Variants in ABTB3 observed in about 807,000 individuals in gnomAD.
ABTB3 encodes the protein ankyrin repeat- and BTB/POZ domain-containing protein 3.
At chr12:107,491,268 A>T in the ABTB3 span, among the ~76,000 whole-genome samples, 1 of 152,184 alleles carries the variant, frequency 6.6e-6, no homozygotes, top group South Asian at 2.1e-4. Context: ...CCACATGCCC[A>T]GCCTTCACAC....
At chr12:107,371,084 TC>T in the ABTB3 span, among the ~76,000 whole-genome samples, 1 of 151,850 alleles carries the variant, frequency 6.6e-6, no homozygotes, top group Admixed American at 6.6e-5. Context: ...ATGCTTCCCT[TC>T]CCCCCAACCT....
At chr12:107,557,581 C>T in the ABTB3 span, among the ~76,000 whole-genome samples, 1 of 152,114 alleles carries the variant, frequency 6.6e-6, no homozygotes, top group Non-Finnish European at 1.5e-5. Flanking sequence ...ATCAGCCAGT[C>T]GTTCATTTAG....
the ABTB3 span, among the ~76,000 whole-genome samples, chr12:107,323,059 C>G: frequency 6.6e-6 from 1 of 152,190 alleles, no homozygotes; most frequent in Admixed American, 6.5e-5. Context: ...GTTGAGCAAG[C>G]TATTGTACTG....
the ABTB3 span, among the ~76,000 whole-genome samples, chr12:107,550,722 A>G: frequency 6.6e-6 from 1 of 151,824 alleles, no homozygotes; most frequent in Admixed American, 6.6e-5. Flanking sequence ...CTGGGACTAC[A>G]GGTGCATGCT....
chr12:107,578,915 ATATT>A, the ABTB3 span, among the ~76,000 whole-genome samples: 14 of 152,214 alleles, frequency 9.2e-5, no homozygotes, highest in South Asian at 4.1e-4. Context: ...TCATGAGCAA[ATATT>A]TATTAAGTGC....
At chr12:107,370,967 C>T in the ABTB3 span, among the ~76,000 whole-genome samples, 7 of 151,932 alleles carry the variant, frequency 4.6e-5, no homozygotes, top group Non-Finnish European at 7.4e-5. Flanking sequence ...TACGGCAGCC[C>T]TCAGAGGGCG....
the ABTB3 span, chr12:107,649,087 A>G: frequency 1.5e-5 from 13 of 840,434 alleles, no homozygotes; most frequent in Admixed American, 1.5e-4. Context: ...GAAATGGGCA[A>G]CCATTTGGAA....
the ABTB3 span, among the ~76,000 whole-genome samples, chr12:107,518,408 A>G: frequency 1.3e-5 from 2 of 152,020 alleles, no homozygotes; most frequent in African/African-American, 4.8e-5. Context: ...TGGCACATAT[A>G]TACACTATGC....
At chr12:107,508,438 C>CTTTT in the ABTB3 span, among the ~76,000 whole-genome samples, 661 of 69,128 alleles carry the variant, frequency 9.6e-3, 152 homozygotes, top group Non-Finnish European at 0.013. Flanking sequence ...AAGATCATTT[C>CTTTT]TTTTTTTTTT....
At chr12:107,483,726 ACCCAGGCTGGAG>A in the ABTB3 span, among the ~76,000 whole-genome samples, 1 of 152,100 alleles carries the variant, frequency 6.6e-6, no homozygotes, top group African/African-American at 2.4e-5. Flanking sequence ...TCACTCTGTC[ACCCAGGCTGGAG>A]CCCAGTAGCA....
the ABTB3 span, among the ~76,000 whole-genome samples, chr12:107,414,799 C>G: frequency 6.6e-6 from 1 of 151,010 alleles, no homozygotes; most frequent in African/African-American, 2.4e-5. Flanking sequence ...CTCACTGCAA[C>G]CTTCAGCTCC....
the ABTB3 span, among the ~76,000 whole-genome samples, chr12:107,518,992 T>C: frequency 2.9e-4 from 44 of 152,224 alleles, no homozygotes; most frequent in African/African-American, 9.9e-4. Context: ...TTATGTGTGT[T>C]CTCTCCCTCA....
the ABTB3 span, among the ~76,000 whole-genome samples, chr12:107,385,692 A>G: frequency 6.6e-6 from 1 of 152,116 alleles, no homozygotes; most frequent in East Asian, 1.9e-4. Context: ...GGAGCTGCCA[A>G]TCACAGCAGC....
chr12:107,617,294 C>T, the ABTB3 span: 1 of 1,614,164 alleles, frequency 6.2e-7, no homozygotes. Context: ...CTTCTCTGGG[C>T]TTGCAGGAAA....
At chr12:107,525,378 G>GA in the ABTB3 span, among the ~76,000 whole-genome samples, 35 of 126,462 alleles carry the variant, frequency 2.8e-4, no homozygotes, top group South Asian at 5.7e-4. Flanking sequence ...GAAAGAAAGA[G>GA]AAAAAATATT....
the ABTB3 span, among the ~76,000 whole-genome samples, chr12:107,446,524 G>A: frequency 6.6e-6 from 1 of 152,140 alleles, no homozygotes; most frequent in African/African-American, 2.4e-5. Context: ...TTAAGGACCA[G>A]GGTCACTTTC....
chr12:107,621,944 T>G, the ABTB3 span, among the ~76,000 whole-genome samples: 3 of 152,156 alleles, frequency 2.0e-5, no homozygotes, highest in Non-Finnish European at 4.4e-5. Context: ...TAGTCAGTCA[T>G]TTGAAAATCA....
the ABTB3 span, among the ~76,000 whole-genome samples, chr12:107,323,392 A>AG: frequency 2.6e-5 from 4 of 152,246 alleles, no homozygotes; most frequent in Admixed American, 2.0e-4. Flanking sequence ...GACTGGATTC[A>AG]GAAAAAAAAG....
chr12:107,457,089 T>A, the ABTB3 span, among the ~76,000 whole-genome samples: 1 of 152,222 alleles, frequency 6.6e-6, no homozygotes, highest in Non-Finnish European at 1.5e-5. Flanking sequence ...CTCGAACTCC[T>A]GACCTCAGTT....
Sources: allele counts gnomAD v4.1 joint callset (sites outside exome capture counted in the v4.1 genomes callset), GRCh38; gene constraint gnomAD v4.1.1; transcripts MANE v1.5; gene names NCBI Gene and HGNC (gene_info 2026-07-23, HGNC 2026-07-21).